Variants in CLSTN1 observed in about 807,000 individuals in gnomAD.
The protein encoded by CLSTN1 is calsyntenin 1.
In CLSTN1, 28 loss-of-function variants were observed where a neutral mutation model predicts 108.3. That is an observed-to-expected ratio of 0.26 (90% CI 0.19 to 0.35). CLSTN1 has a LOEUF of 0.35. Ranked by LOEUF, CLSTN1 falls within the 10% of genes least tolerant of loss-of-function variation. The pLI is 1.00. For missense variants in CLSTN1, 1,157 were observed against 1,302.6 expected (o/e 0.89, Z 1.72); for synonymous variants, 524 against 534.9 (o/e 0.98, Z 0.28).
chr1:9,806,653 G>A (rs1418467173), intron 1 of CLSTN1, among the ~76,000 whole-genome samples: 2 of 152,222 alleles, frequency 1.3e-5, no homozygotes, highest in Non-Finnish European at 2.9e-5. Context: ...GCCGAGGCAG[G>A]TGGATCACGA....
intron 1 of CLSTN1, among the ~76,000 whole-genome samples, chr1:9,799,174 C>T (rs959204185): frequency 2.0e-5 from 3 of 152,058 alleles, no homozygotes; most frequent in African/African-American, 4.8e-5. Flanking sequence ...GAGCAAGACC[C>T]TGTCTCAAAA....
rs570626798 is a variant in CLSTN1 at position 9,747,437 on chromosome 1, G to A, written c.985+2024C>T. 3.3e-5 allele frequency among the ~76,000 whole-genome samples: 5 copies of A among 152,096 alleles called. No homozygotes were observed. The South Asian group carries it at 6.2e-4, about 19-fold the overall frequency. On this transcript the variant is annotated intron_variant, in intron 7 of 18. Transcript: ENST00000377298. Reference sequence around the variant, plus strand: ...CAAACACCCCCATATGCTCATCATTGGACTGTGGCAGCATAATGTCTAGTT... The same window carrying A: ...CAAACACCCCCATATGCTCATCATTAGACTGTGGCAGCATAATGTCTAGTT...
chr1:9,804,064 C>A (rs1654398997), intron 1 of CLSTN1, among the ~76,000 whole-genome samples: 1 of 151,846 alleles, frequency 6.6e-6, no homozygotes, highest in Non-Finnish European at 1.5e-5. Flanking sequence ...CTTGCCTTTC[C>A]CTTATTAAAG....
chr1:9,737,891 C>G (rs947779776), intron 10 of CLSTN1, among the ~76,000 whole-genome samples: 9 of 152,220 alleles, frequency 5.9e-5, no homozygotes, highest in Non-Finnish European at 1.0e-4. Context: ...GGACACTCCA[C>G]AGAGGCTGAG....
intron 1 of CLSTN1, among the ~76,000 whole-genome samples, chr1:9,774,225 T>C (rs183824273): frequency 6.6e-6 from 1 of 152,210 alleles, no homozygotes; most frequent in East Asian, 1.9e-4. Context: ...AATAAAACTC[T>C]GCAGAATTTC....
chr1:9,799,945 T>TAAAC (rs979687708), intron 1 of CLSTN1, among the ~76,000 whole-genome samples: 1 of 151,768 alleles, frequency 6.6e-6, no homozygotes, highest in South Asian at 2.1e-4. Flanking sequence ...CGTCTCAAAA[T>TAAAC]AAACAAACAA....
At chr1:9,760,929 C>A (rs1035078009) in intron 2 of CLSTN1, among the ~76,000 whole-genome samples, 4 of 151,998 alleles carry the variant, frequency 2.6e-5, no homozygotes, top group Non-Finnish European at 4.4e-5. Flanking sequence ...ACTCAAACAA[C>A]CTCATCCGTT....
At chr1:9,776,970 C>T (rs770893294) in intron 1 of CLSTN1, among the ~76,000 whole-genome samples, 1 of 151,954 alleles carries the variant, frequency 6.6e-6, no homozygotes, top group South Asian at 2.1e-4. Flanking sequence ...GTAATCCCAG[C>T]GTGTTGGGAG....
intron 1 of CLSTN1, among the ~76,000 whole-genome samples, chr1:9,813,434 G>C (rs1459854513): frequency 6.6e-6 from 1 of 151,758 alleles, no homozygotes; most frequent in African/African-American, 2.4e-5. Context: ...TGAAGGCGGA[G>C]GTTGCAGTGA....
At chr1:9,762,385 C>T (rs1285029329) in intron 2 of CLSTN1, among the ~76,000 whole-genome samples, 3 of 151,598 alleles carry the variant, frequency 2.0e-5, no homozygotes, top group Admixed American at 6.6e-5. Flanking sequence ...CGCTTGAACC[C>T]GGGAGGCAGA....
intron 1 of CLSTN1, among the ~76,000 whole-genome samples, chr1:9,778,905 A>G (rs762173525): frequency 1.3e-5 from 2 of 151,918 alleles, no homozygotes; most frequent in Non-Finnish European, 2.9e-5. Context: ...CAACTGTAAT[A>G]CCAGCTACTC....
At chr1:9,819,014 T>G (rs1041856645) in intron 1 of CLSTN1, among the ~76,000 whole-genome samples, 1 of 151,604 alleles carries the variant, frequency 6.6e-6, no homozygotes, top group African/African-American at 2.4e-5. Flanking sequence ...CAGGATGGTC[T>G]TGATCTCCTG....
intron 1 of CLSTN1, among the ~76,000 whole-genome samples, chr1:9,796,266 C>CAAAAAAAAAACAAAAAA (rs1653992456): frequency 7.9e-6 from 1 of 125,840 alleles, no homozygotes; most frequent in South Asian, 2.8e-4. Context: ...TCTCCAAAAA[C>CAAAAAAAAAACAAAAAA]AAAAAAAAAA....
intron 1 of CLSTN1, among the ~76,000 whole-genome samples, chr1:9,819,170 T>C (rs1482663837): frequency 6.6e-6 from 1 of 152,156 alleles, no homozygotes; most frequent in Non-Finnish European, 1.5e-5. Flanking sequence ...TCAACCAGAA[T>C]ACATAAGAAA....
chr1:9,794,624 C>T (rs1272134629), intron 1 of CLSTN1, among the ~76,000 whole-genome samples: 1 of 151,356 alleles, frequency 6.6e-6, no homozygotes, highest in Non-Finnish European at 1.5e-5. Context: ...TTAACTCTTA[C>T]GATCCAAGCC....
intron 2 of CLSTN1, among the ~76,000 whole-genome samples, chr1:9,770,925 G>A (rs888729799): frequency 1.3e-5 from 2 of 152,008 alleles, no homozygotes; most frequent in South Asian, 2.1e-4. Flanking sequence ...TCTGGGAGGC[G>A]GAGGTTGCAG....
Position 9,744,390 on chromosome 1 carries a change from C to A in CLSTN1, c.1234+5G>T. On this transcript the variant is annotated splice_donor_5th_base_variant and intron_variant, in intron 8 of 18. Transcript: ENST00000377298. ...CTGGCATCGCTTGCAGAGCTATTAC[C>A]CTACCTGTTTTATCAGAACTGCAAA... 6.2e-7 allele frequency: 1 copy of A among 1,606,094 alleles called. No individual in the cohort carries two copies. The highest frequency in any genetic ancestry group is 8.5e-7 in the Non-Finnish European group (1 of 1,177,446).
At chr1:9,802,822 G>A (rs982792727) in intron 1 of CLSTN1, among the ~76,000 whole-genome samples, 1 of 108,838 alleles carries the variant, frequency 9.2e-6, no homozygotes, top group Admixed American at 1.4e-4. Flanking sequence ...GATTTTCTTA[G>A]ATTTTTTTTT....
intron 1 of CLSTN1, among the ~76,000 whole-genome samples, chr1:9,806,724 A>G (rs548358183): frequency 1.3e-5 from 2 of 151,854 alleles, no homozygotes; most frequent in Non-Finnish European, 2.9e-5. Context: ...CTAAAAATAC[A>G]AAAAATTAAC....
Sources: gnomAD v4.1 joint callset for allele counts (sites outside exome capture counted in the v4.1 genomes callset) on GRCh38, gnomAD v4.1.1 for gene constraint, MANE v1.5 for transcripts, NCBI Gene and HGNC (gene_info 2026-07-23, HGNC 2026-07-21) for gene names.